Variants in ZNF100 observed in about 807,000 individuals in gnomAD.
ZNF100 encodes the protein zinc finger protein 100.
In ZNF100, 12 loss-of-function variants were observed where a neutral mutation model predicts 15.8. That is an observed-to-expected ratio of 0.76 (90% CI 0.49 to 1.23). ZNF100 has a LOEUF of 1.23. Among genes scored for constraint, ZNF100 ranks in the 50% most tolerant of loss-of-function variants. The pLI is 0.00. For synonymous variants in ZNF100, 226 were observed against 214.8 expected, an observed-to-expected ratio of 1.05 and a Z score of -0.45; for missense variants, 670 against 635.6, an observed-to-expected ratio of 1.05 and a Z score of -0.58.
chr19:21,727,758 A>C lies in ZNF100; in HGVS notation c.554T>G (p.Val185Gly). Residue 185 changes from valine to glycine, a missense_variant, in exon 5 of 5, where the codon GTC (valine) becomes GGC (glycine). Transcript: ENST00000358296. ...NIFQCDPSAK[V>G]FHTFSNSNRH... Reference sequence around the variant, plus strand: ...GTTTGAATTTGAAAATGTATGAAAGACTTTTGCAGATGGATCACATTGAAA... The same window carrying C: ...GTTTGAATTTGAAAATGTATGAAAGCCTTTTGCAGATGGATCACATTGAAA... 1.2e-6 allele frequency: 2 copies of C among 1,613,880 alleles called. No homozygotes were observed. Among genetic ancestry groups the C allele is most frequent in the Non-Finnish European group, 1.7e-6 (2 of 1,179,866 alleles).
chr19:21,760,176 C>T (rs1240998163), intron 2 of ZNF100, among the ~76,000 whole-genome samples: 3 of 76,202 alleles, frequency 3.9e-5, no homozygotes, highest in East Asian at 7.3e-4. Context: ...AGTGAGACTC[C>T]GTCTCAAAAA....
chr19:21,736,176 T>A (rs1230617402), intron 4 of ZNF100, among the ~76,000 whole-genome samples: 1 of 151,924 alleles, frequency 6.6e-6, no homozygotes, highest in Non-Finnish European at 1.5e-5. Context: ...CAACCTTCAC[T>A]TCGCAGGTTC....
At chr19:21,757,443 A>C (rs190447111) in intron 2 of ZNF100, among the ~76,000 whole-genome samples, 63 of 152,286 alleles carry the variant, frequency 4.1e-4, no homozygotes, top group Middle Eastern at 6.8e-3. Flanking sequence ...TCTCAAAGGA[A>C]AAAAATAGTC....
At chr19:21,751,841 T>C (rs2036312210) in intron 2 of ZNF100, 1 of 839,568 alleles carries the variant, frequency 1.2e-6, no homozygotes, top group East Asian at 2.4e-5. Flanking sequence ...CAAAGACTTG[T>C]GTGGAGCAGC....
chr19:21,737,137 T>C (rs1169846744), intron 4 of ZNF100, among the ~76,000 whole-genome samples: 1 of 151,446 alleles, frequency 6.6e-6, no homozygotes, highest in Admixed American at 6.6e-5. Context: ...ATAAAAGAGA[T>C]AGACCACTAG....
At chr19:21,737,486 G>A (rs377733770) in intron 4 of ZNF100, among the ~76,000 whole-genome samples, 1 of 150,622 alleles carries the variant, frequency 6.6e-6, no homozygotes, top group East Asian at 1.9e-4. Flanking sequence ...AGTGAACCGA[G>A]ATTGCACCAT....
chr19:21,760,998 T>C (rs1321173374), intron 2 of ZNF100, among the ~76,000 whole-genome samples: 8 of 152,038 alleles, frequency 5.3e-5, no homozygotes, highest in African/African-American at 1.9e-4. Flanking sequence ...GACTTCGTGA[T>C]CTGCCCGCTT....
chr19:21,758,414 T>C (rs2036425825), intron 2 of ZNF100, among the ~76,000 whole-genome samples: 1 of 152,190 alleles, frequency 6.6e-6, no homozygotes, highest in Non-Finnish European at 1.5e-5. Flanking sequence ...CATGTACACG[T>C]GTAGAAAAAG....
At chr19:21,764,312 A>T (rs2036526348) in intron 2 of ZNF100, among the ~76,000 whole-genome samples, 1 of 152,166 alleles carries the variant, frequency 6.6e-6, no homozygotes, top group Non-Finnish European at 1.5e-5. Flanking sequence ...AGGGAAGGGA[A>T]TTTTAAGGTG....
chr19:21,744,274 T>A (rs115961456), intron 3 of ZNF100, among the ~76,000 whole-genome samples, 159 bp from the exon 4 acceptor site: 11,745 of 152,258 alleles, frequency 0.077, 521 homozygotes, highest in Middle Eastern at 0.14. Flanking sequence ...ATATTTTAAA[T>A]TTGTAGGTTC....
chr19:21,748,313 A>C (rs1382163167), intron 2 of ZNF100, among the ~76,000 whole-genome samples: 1 of 152,202 alleles, frequency 6.6e-6, no homozygotes, highest in Non-Finnish European at 1.5e-5. Flanking sequence ...CAAGACTCCA[A>C]AGTGGGCCAG....
Position 21,740,150 on chromosome 19 carries a change from TAG to T in ZNF100, c.322+3865_322+3866del, listed in dbSNP as rs1253998100. On this transcript the variant is annotated intron_variant, in intron 4 of 4. Coordinates refer to ENST00000358296, the MANE Select transcript of ZNF100 (RefSeq NM_173531.4). ...CAGATAAACAGATGAAAGAGCAGAA[TAG>T]AGAGTTCAGAAATGAACCCTTGTGT... Among the ~76,000 whole-genome samples, 119 of 152,244 alleles carry T rather than the reference TAG, an allele frequency of 7.8e-4. 1 individual carries two copies. The highest frequency in any genetic ancestry group is 6.8e-3 in the Middle Eastern group (2 of 294).
Position 21,725,896 on chromosome 19 carries a change from A to C in ZNF100, c.*787T>G, listed in dbSNP as rs2035773321. 1 of 152,106 alleles carries C rather than the reference A, an allele frequency of 6.6e-6. No homozygotes were observed. Among genetic ancestry groups the C allele is most frequent in the Admixed American group, 6.6e-5 (1 of 15,258 alleles). 9.4% of individuals were successfully genotyped at this position (152,106 alleles called of 1,614,324 possible). On this transcript the variant is annotated 3_prime_UTR_variant, in exon 5 of 5. Coordinates refer to ENST00000358296, the MANE Select transcript of ZNF100 (RefSeq NM_173531.4). ...GACTTAATGATTAAAATTTTTAAAA[A>C]ATTTTTCCTGTATCTGCAAAAATAT...
At chr19:21,735,321 C>T (rs960209852) in intron 4 of ZNF100, among the ~76,000 whole-genome samples, 1 of 151,944 alleles carries the variant, frequency 6.6e-6, no homozygotes, top group Non-Finnish European at 1.5e-5. Context: ...GGTGAAACCC[C>T]GTCTCTACTA....
At chr19:21,741,798 T>TC (rs2036114398) in intron 4 of ZNF100, among the ~76,000 whole-genome samples, 1 of 152,112 alleles carries the variant, frequency 6.6e-6, no homozygotes, top group Admixed American at 6.5e-5. Context: ...CTCTCAAATT[T>TC]CCCAAGTAGC....
At chr19:21,742,261 C>T (rs910764460) in intron 4 of ZNF100, among the ~76,000 whole-genome samples, 3 of 147,934 alleles carry the variant, frequency 2.0e-5, no homozygotes, top group Non-Finnish European at 4.4e-5. Flanking sequence ...TGCGCTATTG[C>T]ACTCCAGCCT....
intron 2 of ZNF100, chr19:21,751,057 C>A: frequency 7.2e-7 from 1 of 1,392,792 alleles, no homozygotes; most frequent in Non-Finnish European, 1.0e-6. Context: ...CCACGAGATG[C>A]CCTAAGATTT....
intron 4 of ZNF100, among the ~76,000 whole-genome samples, chr19:21,729,283 A>G (rs978438914): frequency 1.4e-4 from 21 of 152,158 alleles, no homozygotes; most frequent in Non-Finnish European, 1.6e-4. Flanking sequence ...TAAAAAGAAA[A>G]TAACTTTCAA....
intron 2 of ZNF100, chr19:21,751,092 C>A: frequency 7.0e-7 from 1 of 1,434,336 alleles, no homozygotes; most frequent in Non-Finnish European, 9.8e-7. Flanking sequence ...ACCCTTCTGA[C>A]CATCCAAGGG....
Sources: gnomAD v4.1 joint callset for allele counts (sites outside exome capture counted in the v4.1 genomes callset) on GRCh38, gnomAD v4.1.1 for gene constraint, MANE v1.5 for transcripts, NCBI Gene and HGNC (gene_info 2026-07-23, HGNC 2026-07-21) for gene names.